FHL2: variants seen among roughly 807,000 people sequenced by gnomAD.
FHL2 encodes the protein four and a half LIM domains 2.
Under a neutral mutation model 32.7 loss-of-function variants are expected in FHL2, and 20 were observed. The ratio of observed to expected loss-of-function variants is 0.61; its 90% CI spans 0.43 to 0.89. The LOEUF (loss-of-function observed/expected upper bound fraction) is 0.89. FHL2 is among the 40% of genes least tolerant of loss of function. The pLI, the probability that FHL2 is intolerant of heterozygous loss-of-function variation, is 0.00. For synonymous variants in FHL2, 123 were observed against 128.1 expected, an observed-to-expected ratio of 0.96 and a Z score of 0.27; for missense variants, 311 against 358.6, an observed-to-expected ratio of 0.87 and a Z score of 1.07.
chr2:105,432,846 C>A (rs1684479516), intron 1 of FHL2, among the ~76,000 whole-genome samples: 3 of 152,196 alleles, frequency 2.0e-5, no homozygotes, highest in Non-Finnish European at 4.4e-5. Flanking sequence ...AAAAACACGT[C>A]CTTGTGCTAC....
At position 105,361,340 on chromosome 2, in the gene FHL2, A is replaced by G. The variant is rs1004883259; in HGVS notation, c.783T>C (p.Arg261=). The G allele has an allele frequency of 1.2e-6, 2 of 1,614,116 alleles. No individual in the cohort carries two copies. The highest frequency in any genetic ancestry group is 1.7e-5 in the Admixed American group (1 of 60,030). Residue 261 remains arginine (R), a synonymous_variant, in exon 7 of 7, where the codon CGT becomes CGC. Coordinates refer to ENST00000530340, the MANE Select transcript of FHL2 (RefSeq NM_001318895.3). ...TGTCGTCCCTCTCTGTGAGGAAGCC[A>G]CGCCCCACCAGTGAGAGGGAGCACT... ...CKKCSLSLVG[R]GFLTERDDIL... is the part of the protein sequence containing the mutation.
rs1395438656 is a variant in FHL2 at position 105,367,555 on chromosome 2, G to A, written c.501+15C>T. On this transcript the variant is annotated intron_variant, in intron 5 of 6. Coordinates refer to ENST00000530340, the MANE Select transcript of FHL2 (RefSeq NM_001318895.3). The stretch of plus-strand genomic sequence containing the variant: ...CAGCCAGAACGTGCAAGGGCCAAGG[G>A]GGCATCTGAGATACCTTTTTGCACT... 1.2e-6 allele frequency: 2 copies of A among 1,604,816 alleles called. No homozygotes were observed. The highest frequency in any genetic ancestry group is 2.2e-5 in the East Asian group (1 of 44,622).
intron 3 of FHL2, among the ~76,000 whole-genome samples, chr2:105,377,459 CA>C (rs1357227305): frequency 6.6e-6 from 1 of 152,080 alleles, no homozygotes; most frequent in East Asian, 1.9e-4. Context: ...GGTTAAACCC[CA>C]TCTCTACTAA....
chr2:105,393,815 G>A (rs1303574385), intron 2 of FHL2, among the ~76,000 whole-genome samples: 5 of 152,302 alleles, frequency 3.3e-5, no homozygotes, highest in East Asian at 3.9e-4. Context: ...CGCTGCCCTC[G>A]TCCCTCCTTC....
At chr2:105,386,573 T>C in intron 2 of FHL2, 33 bp from the exon 3 acceptor site, 1 of 1,606,390 alleles carries the variant, frequency 6.2e-7, no homozygotes, top group Non-Finnish European at 8.5e-7. Context: ...CAAGTCCCAT[T>C]AAGCACTCTC....
chr2:105,392,743 CA>C (rs1395773409), intron 2 of FHL2, among the ~76,000 whole-genome samples: 1 of 125,868 alleles, frequency 7.9e-6, no homozygotes, highest in Non-Finnish European at 1.6e-5. Context: ...GGTGACAGGA[CA>C]AAAAAAGGAA....
intron 1 of FHL2, among the ~76,000 whole-genome samples, chr2:105,413,461 A>C (rs1296436175): frequency 6.6e-6 from 1 of 151,986 alleles, no homozygotes; most frequent in Non-Finnish European, 1.5e-5. Flanking sequence ...AGAACTTTGT[A>C]AGATATCAGA....
chr2:105,390,154 C>A, intron 2 of FHL2: 1 of 156,786 alleles, frequency 6.4e-6, no homozygotes, highest in Non-Finnish European at 1.4e-5. Flanking sequence ...ATGGCGTGAA[C>A]CAAGAGGTAG....
At chr2:105,431,151 T>G (rs113447497) in intron 1 of FHL2, among the ~76,000 whole-genome samples, 4 of 152,226 alleles carry the variant, frequency 2.6e-5, no homozygotes, top group African/African-American at 9.6e-5. Context: ...AAAAAGTTTC[T>G]AAGATCTCAA....
intron 1 of FHL2, among the ~76,000 whole-genome samples, chr2:105,436,728 G>C (rs1229587050): frequency 6.6e-6 from 1 of 151,988 alleles, no homozygotes; most frequent in Non-Finnish European, 1.5e-5. Context: ...AAATAATTAA[G>C]ATAAACAATT....
At chr2:105,407,842 G>A (rs955062391) in intron 1 of FHL2, among the ~76,000 whole-genome samples, 1 of 152,134 alleles carries the variant, frequency 6.6e-6, no homozygotes, top group Non-Finnish European at 1.5e-5. Flanking sequence ...CGCAGAGAAG[G>A]CCACTCATTG....
At chr2:105,413,398 G>A (rs553230603) in intron 1 of FHL2, among the ~76,000 whole-genome samples, 3 of 152,052 alleles carry the variant, frequency 2.0e-5, no homozygotes, top group South Asian at 4.2e-4. Flanking sequence ...GAACAGCACC[G>A]CTCCCTGGAG....
In FHL2 at chr2:105,425,030, G is replaced by A. The variant is rs184449234; in HGVS notation, c.-25+13369C>T. Among the ~76,000 whole-genome samples, 56 of 152,156 alleles carry A rather than the reference G, an allele frequency of 3.7e-4. 2 individuals carry two copies. In the East Asian group the frequency reaches 9.7e-3, roughly 26 times the overall value. On this transcript the variant is annotated intron_variant, in intron 1 of 5. Transcript: ENST00000393352. ...GAACTTAAAGTATATATATATTGTA[G>A]GGAAAAGAAAGAGAGATCAGACTGT...
chr2:105,423,107 C>A (rs1165344641), intron 1 of FHL2, among the ~76,000 whole-genome samples: 1 of 152,130 alleles, frequency 6.6e-6, no homozygotes, highest in East Asian at 1.9e-4. Context: ...CTCTTCCATT[C>A]CTCTCTCTGA....
chr2:105,399,605 C>T, upstream of FHL2: 1 of 1,529,660 alleles, frequency 6.5e-7, no homozygotes, highest in Non-Finnish European at 8.7e-7. Flanking sequence ...CCACCTCTCC[C>T]TCTCGGGGCC....
intron 1 of FHL2, among the ~76,000 whole-genome samples, chr2:105,397,562 G>A (rs1683226242): frequency 1.3e-5 from 2 of 148,748 alleles, no homozygotes; most frequent in African/African-American, 5.2e-5. Context: ...TTGTGAGACG[G>A]TGAGCTAAAA....
Position 105,432,608 on chromosome 2 carries a change from T to A in FHL2, c.-25+5791A>T, listed in dbSNP as rs188775181. Among the ~76,000 whole-genome samples, 844 of 152,274 alleles carry A rather than the reference T, an allele frequency of 5.5e-3. 5 individuals carry two copies. Among genetic ancestry groups the A allele is most frequent in the African/African-American group, 0.018 (749 of 41,544 alleles). The stretch of plus-strand genomic sequence containing the variant: ...AAAGGAAGTTTACAGAGTTTAGAAT[T>A]TTTTCAGCATTTCCATCCTCTTCTC... On this transcript the variant is annotated intron_variant, in intron 1 of 5. Transcript: ENST00000393352.
intron 1 of FHL2, among the ~76,000 whole-genome samples, chr2:105,409,237 T>C (rs1165645490): frequency 6.6e-6 from 1 of 152,130 alleles, no homozygotes; most frequent in East Asian, 1.9e-4. Context: ...GAAGTTTTTG[T>C]TGGGGAAATA....
chr2:105,419,920 A>G (rs1684048880), intron 1 of FHL2, among the ~76,000 whole-genome samples: 1 of 152,216 alleles, frequency 6.6e-6, no homozygotes, highest in South Asian at 2.1e-4. Flanking sequence ...TACATAGTCC[A>G]GTATGACTGA....
Sources: allele counts gnomAD v4.1 joint callset (sites outside exome capture counted in the v4.1 genomes callset), GRCh38; gene constraint gnomAD v4.1.1; transcripts MANE v1.5; gene names NCBI Gene and HGNC (gene_info 2026-07-23, HGNC 2026-07-21).